LRRC4C: variants seen among roughly 807,000 people sequenced by gnomAD.
The protein encoded by LRRC4C is leucine-rich repeat-containing protein 4C.
Under a neutral mutation model 33.6 loss-of-function variants are expected in LRRC4C, and 5 were observed. The ratio of observed to expected loss-of-function variants is 0.15; its 90% CI spans 0.08 to 0.31. The LOEUF is 0.31. LRRC4C is among the 10% of genes least tolerant of loss of function. The pLI is 1.00. For synonymous variants in LRRC4C, 329 were observed against 302.0 expected (o/e 1.09, Z -0.93); for missense variants, 560 against 796.7 (o/e 0.70, Z 3.58).
Position 41,272,335 on chromosome 11 carries a change from T to A in LRRC4C, c.-496+187096A>T, listed in dbSNP as rs1282468731. ...TTGCTTTTCACTTGGGTAAATTTAATTAGCATTGTGGGTGTCTAAGAACTG... is the reference window on the plus strand; with the variant it reads ...TTGCTTTTCACTTGGGTAAATTTAAATAGCATTGTGGGTGTCTAAGAACTG... On this transcript the variant is annotated intron_variant, in intron 1 of 6. Coordinates refer to ENST00000528697, the MANE Select transcript of LRRC4C (RefSeq NM_001258419.2). Among the ~76,000 whole-genome samples, 3 of 152,178 alleles carry A rather than the reference T, an allele frequency of 2.0e-5. No homozygotes were observed. The East Asian group carries it at 5.8e-4, about 30-fold the overall frequency.
chr11:40,194,980 A>G (rs914418271), intron 5 of LRRC4C, among the ~76,000 whole-genome samples: 5 of 151,270 alleles, frequency 3.3e-5, no homozygotes, highest in Non-Finnish European at 7.4e-5. Flanking sequence ...AGTCCCAGCT[A>G]CTCCGGAGGC....
intron 1 of LRRC4C, among the ~76,000 whole-genome samples, chr11:41,293,802 T>A (rs965791081): frequency 2.0e-4 from 30 of 152,058 alleles, no homozygotes; most frequent in African/African-American, 7.2e-4. Flanking sequence ...TCACCACGTA[T>A]GCCAGGCTTG....
chr11:40,866,031 A>T (rs1954349338), intron 2 of LRRC4C, among the ~76,000 whole-genome samples: 1 of 152,028 alleles, frequency 6.6e-6, no homozygotes, highest in Non-Finnish European at 1.5e-5. Context: ...GCAACAAATT[A>T]AAATATGAAT....
At chr11:41,005,330 G>A (rs1245967462) in intron 1 of LRRC4C, among the ~76,000 whole-genome samples, 7 of 152,234 alleles carry the variant, frequency 4.6e-5, no homozygotes, top group South Asian at 4.1e-4. Flanking sequence ...CTGGCTGGGC[G>A]TGATGGCTCA....
rs188622357 is a variant in LRRC4C at position 41,005,427 on chromosome 11, C to A, written c.-495-71704G>T. Among the ~76,000 whole-genome samples, 617 of 152,078 alleles carry A rather than the reference C, an allele frequency of 4.1e-3. 4 individuals are homozygous for A. The highest frequency in any genetic ancestry group is 0.014 in the African/African-American group (587 of 41,514). ...GAGACCAGCCTGAGCAACATAGTGACACCCAGTCTCTACTAAAAATACAAA... is the reference window on the plus strand; with the variant it reads ...GAGACCAGCCTGAGCAACATAGTGAAACCCAGTCTCTACTAAAAATACAAA... On this transcript the variant is annotated intron_variant, in intron 1 of 6. Coordinates refer to ENST00000528697, the MANE Select transcript of LRRC4C (RefSeq NM_001258419.2).
intron 3 of LRRC4C, among the ~76,000 whole-genome samples, chr11:40,613,164 A>G (rs779442095): frequency 4.6e-5 from 7 of 151,862 alleles, no homozygotes; most frequent in Non-Finnish European, 1.0e-4. Context: ...AGTTTGGCAC[A>G]TCAATTGACT....
At chr11:40,598,986 A>C (rs944800807) in intron 3 of LRRC4C, among the ~76,000 whole-genome samples, 1 of 152,066 alleles carries the variant, frequency 6.6e-6, no homozygotes, top group Non-Finnish European at 1.5e-5. Context: ...TATATTTGTG[A>C]CCTTATCTAC....
At chr11:41,339,924 A>G (rs548789475) in intron 1 of LRRC4C, among the ~76,000 whole-genome samples, 76 of 152,318 alleles carry the variant, frequency 5.0e-4, no homozygotes, top group Admixed American at 7.8e-4. Flanking sequence ...GTGAAGGTCA[A>G]ACAAATGGGT....
At chr11:41,446,496 A>T (rs1955831266) in intron 1 of LRRC4C, among the ~76,000 whole-genome samples, 1 of 151,998 alleles carries the variant, frequency 6.6e-6, no homozygotes. Context: ...CATGCAATGA[A>T]GGGGACTGAG....
intron 1 of LRRC4C, among the ~76,000 whole-genome samples, chr11:41,137,357 G>A (rs1943311662): frequency 6.6e-6 from 1 of 152,168 alleles, no homozygotes; most frequent in African/African-American, 2.4e-5. Context: ...GGATGGATAA[G>A]GAGGAATGAC....
rs1009966758 is a variant in LRRC4C at position 40,770,394 on chromosome 11, G to A, written c.-406-122116C>T. 2.0e-5 allele frequency among the ~76,000 whole-genome samples: 3 copies of A among 152,090 alleles called. No homozygotes were observed. The East Asian group carries it at 5.8e-4, about 29-fold the overall frequency. On this transcript the variant is annotated intron_variant, in intron 2 of 6. Transcript: ENST00000528697. ...CTATGATAGAATCACCACCCACAAG[G>A]TCTCTTCCCCAACACATGGGGATTG...
At chr11:40,164,501 T>C (rs1859422052) in intron 5 of LRRC4C, among the ~76,000 whole-genome samples, 1 of 152,200 alleles carries the variant, frequency 6.6e-6, no homozygotes, top group Non-Finnish European at 1.5e-5. Context: ...CCTCCCAATG[T>C]GCAGGGATTA....
intron 1 of LRRC4C, among the ~76,000 whole-genome samples, chr11:40,980,947 T>C (rs1227248571): frequency 1.3e-5 from 2 of 152,166 alleles, no homozygotes; most frequent in Admixed American, 1.3e-4. Context: ...CAAATCTAAT[T>C]TGTATTAAAT....
At chr11:40,463,017 G>T (rs1308819077) in intron 3 of LRRC4C, among the ~76,000 whole-genome samples, 1 of 151,982 alleles carries the variant, frequency 6.6e-6, no homozygotes, top group Non-Finnish European at 1.5e-5. Flanking sequence ...TCACCAACAA[G>T]TCCTACGATT....
intron 3 of LRRC4C, among the ~76,000 whole-genome samples, chr11:40,377,501 T>C (rs1045424117): frequency 6.6e-6 from 1 of 152,144 alleles, no homozygotes. Flanking sequence ...TCTTAAGTTA[T>C]ACTCTGAGAT....
intron 1 of LRRC4C, among the ~76,000 whole-genome samples, chr11:41,029,533 A>T (rs1281749623): frequency 1.3e-5 from 2 of 151,974 alleles, no homozygotes; most frequent in Admixed American, 6.6e-5. Context: ...ATATTTACAA[A>T]TTATAATGAT....
At chr11:41,455,612 T>A (rs1956150538) in intron 1 of LRRC4C, among the ~76,000 whole-genome samples, 1 of 152,142 alleles carries the variant, frequency 6.6e-6, no homozygotes, top group Non-Finnish European at 1.5e-5. Flanking sequence ...GCTTAACACT[T>A]TAACTTGAAA....
intron 1 of LRRC4C, among the ~76,000 whole-genome samples, chr11:41,444,237 A>G (rs1955748013): frequency 1.3e-5 from 2 of 152,178 alleles, no homozygotes; most frequent in Admixed American, 1.3e-4. Flanking sequence ...CACAGATGGA[A>G]AATATTTTAA....
At chr11:40,225,274 T>C (rs1179368973) in intron 5 of LRRC4C, among the ~76,000 whole-genome samples, 1 of 152,184 alleles carries the variant, frequency 6.6e-6, no homozygotes, top group African/African-American at 2.4e-5. Flanking sequence ...CTGGAGACTT[T>C]AACATTAACT....
Sources: allele counts gnomAD v4.1 joint callset (sites outside exome capture counted in the v4.1 genomes callset), GRCh38; gene constraint gnomAD v4.1.1; transcripts MANE v1.5; gene names NCBI Gene and HGNC (gene_info 2026-07-23, HGNC 2026-07-21).